SLC4A10: variants seen among roughly 807,000 people sequenced by gnomAD.
SLC4A10 encodes sodium-driven chloride bicarbonate exchanger.
A neutral mutation model predicts 137.7 loss-of-function variants in SLC4A10; 42 were observed. The observed-to-expected ratio is 0.30, with a 90% CI of 0.24 to 0.39. SLC4A10 has a LOEUF of 0.39. SLC4A10 is among the 10% of genes least tolerant of loss of function. The pLI is 1.00. For synonymous variants in SLC4A10, 474 were observed against 464.1 expected, an observed-to-expected ratio of 1.02 and a Z score of -0.27; for missense variants, 925 against 1,355.0, an observed-to-expected ratio of 0.68 and a Z score of 4.98.
intron 3 of SLC4A10, among the ~76,000 whole-genome samples, chr2:161,828,814 A>ATATATATAATAT (rs1208358600): frequency 8.1e-6 from 1 of 124,178 alleles, no homozygotes. Context: ...ATATATGTAT[A>ATATATATAATAT]ATCTACATCT....
intron 1 of SLC4A10, among the ~76,000 whole-genome samples, chr2:161,752,920 A>G (rs1163944970): frequency 6.6e-6 from 1 of 152,122 alleles, no homozygotes; most frequent in Non-Finnish European, 1.5e-5. Flanking sequence ...TTTACCACAA[A>G]AAAATGACAT....
intron 1 of SLC4A10, among the ~76,000 whole-genome samples, chr2:161,718,825 G>A (rs570205279): frequency 6.6e-6 from 1 of 152,198 alleles, no homozygotes; most frequent in African/African-American, 2.4e-5. Flanking sequence ...TTGATGCAGA[G>A]CTGACTTCAA....
At chr2:161,757,299 A>G (rs2049763048) in intron 1 of SLC4A10, among the ~76,000 whole-genome samples, 1 of 152,154 alleles carries the variant, frequency 6.6e-6, no homozygotes, top group African/African-American at 2.4e-5. Context: ...TCAAATCCTG[A>G]CATTGTTTCA....
At chr2:161,712,921 G>A (rs969738102) in intron 1 of SLC4A10, among the ~76,000 whole-genome samples, 42 of 151,836 alleles carry the variant, frequency 2.8e-4, no homozygotes, top group African/African-American at 9.9e-4. Flanking sequence ...GAATTGTACT[G>A]GGCAAGGATA....
chr2:161,767,125 ATATATATATATATATG>A (rs1346322332), intron 1 of SLC4A10, among the ~76,000 whole-genome samples: 7 of 80,572 alleles, frequency 8.7e-5, no homozygotes, highest in African/African-American at 3.3e-4. Context: ...ATATATATAT[ATATATATATATATATG>A]TGTGTGTGTG....
chr2:161,962,446 A>G lies in SLC4A10; in HGVS notation c.2863-1689A>G, dbSNP rs145611535. Among the ~76,000 whole-genome samples, 113 of 152,338 alleles carry G rather than the reference A, an allele frequency of 7.4e-4. 1 individual carries two copies. Among genetic ancestry groups the G allele is most frequent in the African/African-American group, 2.6e-3 (110 of 41,592 alleles). ...AAAAGGAAATATTCCATTGTAAGCC[A>G]GAAGATTTTATTTTATTTCTTTCCT... is the stretch of plus-strand genomic sequence containing the variant. On this transcript the variant is annotated intron_variant, in intron 21 of 26. Transcript: ENST00000446997.
intron 15 of SLC4A10, among the ~76,000 whole-genome samples, chr2:161,933,068 C>T (rs1690709984): frequency 6.6e-6 from 1 of 152,132 alleles, no homozygotes; most frequent in South Asian, 2.1e-4. Context: ...CTTTTTAAGG[C>T]TGAAAAGTAT....
At chr2:161,855,225 A>G in intron 5 of SLC4A10, 95 bp downstream of exon 5, 2 of 1,207,544 alleles carry the variant, frequency 1.7e-6, no homozygotes, top group Non-Finnish European at 1.1e-6. Flanking sequence ...AACTTTGGAA[A>G]ACTAATTCTC....
intron 15 of SLC4A10, among the ~76,000 whole-genome samples, chr2:161,934,722 A>G (rs774641571): frequency 1.1e-4 from 16 of 151,920 alleles, no homozygotes; most frequent in Non-Finnish European, 2.2e-4. Flanking sequence ...TTCACATACC[A>G]TTGGCTATTT....
chr2:161,950,871 A>C, intron 19 of SLC4A10, 23 bp downstream of exon 19: 1 of 1,550,506 alleles, frequency 6.4e-7, no homozygotes, highest in Non-Finnish European at 8.7e-7. Context: ...ATCCATTTTA[A>C]TGTAAATAAT....
At chr2:161,695,776 A>T (rs2042422274) in intron 1 of SLC4A10, among the ~76,000 whole-genome samples, 1 of 152,206 alleles carries the variant, frequency 6.6e-6, no homozygotes, top group Non-Finnish European at 1.5e-5. Context: ...ATTAAACTTA[A>T]GAGCTTCTTA....
At chr2:161,628,607 A>G (rs1017448889) in intron 1 of SLC4A10, among the ~76,000 whole-genome samples, 2 of 152,048 alleles carry the variant, frequency 1.3e-5, no homozygotes, top group African/African-American at 2.4e-5. Context: ...TTTCTATTCA[A>G]TTTGCATTGA....
chr2:161,866,829 A>G (rs1006363077), intron 6 of SLC4A10, among the ~76,000 whole-genome samples: 2 of 151,836 alleles, frequency 1.3e-5, no homozygotes, highest in Non-Finnish European at 2.9e-5. Flanking sequence ...GGGATTATAA[A>G]TCTATTATAA....
intron 1 of SLC4A10, among the ~76,000 whole-genome samples, chr2:161,738,031 C>T (rs2047521310): frequency 6.6e-6 from 1 of 152,092 alleles, no homozygotes; most frequent in Admixed American, 6.6e-5. Flanking sequence ...TTATTCTGAT[C>T]CTGGATCCAG....
At chr2:161,777,575 A>G (rs1022393020) in intron 2 of SLC4A10, among the ~76,000 whole-genome samples, 3 of 152,018 alleles carry the variant, frequency 2.0e-5, no homozygotes, top group Non-Finnish European at 4.4e-5. Context: ...AGGCCTCACA[A>G]TCATGGAAGG....
chr2:161,692,553 GC>G (rs2042101378), intron 1 of SLC4A10, among the ~76,000 whole-genome samples: 1 of 152,028 alleles, frequency 6.6e-6, no homozygotes, highest in Admixed American at 6.6e-5. Context: ...ATGACTCCAA[GC>G]CTAAAATAGC....
chr2:161,755,620 C>T (rs1219837306), intron 1 of SLC4A10, among the ~76,000 whole-genome samples: 1 of 152,114 alleles, frequency 6.6e-6, no homozygotes, highest in African/African-American at 2.4e-5. Context: ...CCTTCTCTTC[C>T]CATGATACTG....
intron 1 of SLC4A10, among the ~76,000 whole-genome samples, chr2:161,697,333 G>T (rs565489535): frequency 1.8e-4 from 27 of 152,186 alleles, no homozygotes; most frequent in East Asian, 1.2e-3. Context: ...GTCAATTTTG[G>T]CTTTTGTTGC....
intron 3 of SLC4A10, among the ~76,000 whole-genome samples, chr2:161,821,273 T>A (rs1451105430): frequency 1.3e-5 from 2 of 152,254 alleles, no homozygotes; most frequent in Non-Finnish European, 2.9e-5. Flanking sequence ...CAGAGTCTGC[T>A]AAGAGGCTGA....
Sources: allele counts gnomAD v4.1 joint callset (sites outside exome capture counted in the v4.1 genomes callset), GRCh38; gene constraint gnomAD v4.1.1; transcripts MANE v1.5; gene names NCBI Gene and HGNC (gene_info 2026-07-23, HGNC 2026-07-21).